The following JMJD1C variants were observed in gnomAD, a reference collection of about 807,000 sequenced individuals.
JMJD1C encodes jumonji domain containing 1C, also known as jumonji domain-containing protein 1C.
In JMJD1C, 31 loss-of-function variants were observed where a neutral mutation model predicts 245.3. The ratio of observed to expected loss-of-function variants is 0.13; its 90% CI spans 0.09 to 0.17. JMJD1C has a LOEUF of 0.17. JMJD1C is among the 10% of genes least tolerant of loss of function. The probability of loss-of-function intolerance (pLI) is 1.00; values close to 1 mark genes in which losing one functional copy is unlikely to be tolerated. For synonymous variants in JMJD1C, 1,057 were observed against 1,017.4 expected (o/e 1.04, Z -0.74); for missense variants, 2,691 against 3,000.2 (o/e 0.90, Z 2.41).
At chr10:63,190,719 G>A (rs1844698189) in intron 17 of JMJD1C, among the ~76,000 whole-genome samples, 175 bp downstream of exon 17, 1 of 152,094 alleles carries the variant, frequency 6.6e-6, no homozygotes, top group Non-Finnish European at 1.5e-5. Flanking sequence ...TGGAAAAAAA[G>A]ACAGAAAATG....
intron 2 of JMJD1C, among the ~76,000 whole-genome samples, chr10:63,362,289 A>G (rs1417295203): frequency 6.6e-6 from 1 of 151,882 alleles, no homozygotes; most frequent in African/African-American, 2.4e-5. Flanking sequence ...AATAAAATCA[A>G]GAAATTCCTT....
intron 8 of JMJD1C, among the ~76,000 whole-genome samples, chr10:63,212,115 TA>T (rs538757160): frequency 5.5e-4 from 83 of 152,244 alleles, no homozygotes; most frequent in African/African-American, 2.0e-3. Flanking sequence ...AGAAAGTATC[TA>T]AAGTCATGAA....
chr10:63,520,876 C>A (rs1350313881), intron 1 of JMJD1C, among the ~76,000 whole-genome samples: 1 of 152,222 alleles, frequency 6.6e-6, no homozygotes, highest in Non-Finnish European at 1.5e-5. Context: ...TGTGCAAGAA[C>A]CTCTCGACGA....
chr10:63,279,128 T>C (rs1857132671), intron 2 of JMJD1C, among the ~76,000 whole-genome samples: 1 of 151,616 alleles, frequency 6.6e-6, no homozygotes, highest in South Asian at 2.1e-4. Context: ...CGGGCGCCTG[T>C]AATCCCAGCT....
intron 2 of JMJD1C, among the ~76,000 whole-genome samples, chr10:63,284,903 A>T (rs1857813578): frequency 1.2e-5 from 1 of 80,904 alleles, no homozygotes; most frequent in East Asian, 4.2e-4. Flanking sequence ...ACACACACAC[A>T]CACATTCTCT....
chr10:63,383,465 C>G (rs1168301895), intron 1 of JMJD1C, among the ~76,000 whole-genome samples: 1 of 152,080 alleles, frequency 6.6e-6, no homozygotes. Context: ...TTGGGAGACA[C>G]AGGTGGGAGG....
At chr10:63,335,431 A>G (rs1382162775) in intron 2 of JMJD1C, among the ~76,000 whole-genome samples, 2 of 152,246 alleles carry the variant, frequency 1.3e-5, no homozygotes, top group Non-Finnish European at 2.9e-5. Flanking sequence ...ATATTCAGTT[A>G]AAAAGAAAAT....
chr10:63,385,684 A>G (rs1264023204), intron 1 of JMJD1C, among the ~76,000 whole-genome samples: 1 of 151,928 alleles, frequency 6.6e-6, no homozygotes, highest in East Asian at 1.9e-4. Context: ...GGCCTCAAGC[A>G]ATCCTCTCAC....
intron 2 of JMJD1C, among the ~76,000 whole-genome samples, chr10:63,283,176 A>G (rs1233539393): frequency 2.0e-5 from 3 of 152,250 alleles, no homozygotes; most frequent in Non-Finnish European, 4.4e-5. Context: ...GGAAAATTTC[A>G]TAGACTCTTC....
chr10:63,413,048 C>T (rs1469106965), intron 1 of JMJD1C, among the ~76,000 whole-genome samples: 1 of 151,736 alleles, frequency 6.6e-6, no homozygotes, highest in African/African-American at 2.4e-5. Flanking sequence ...AAAACAATAC[C>T]ACAAAGTAGT....
intron 2 of JMJD1C, among the ~76,000 whole-genome samples, chr10:63,299,930 TATA>T (rs1243230561): frequency 6.6e-6 from 1 of 152,104 alleles, no homozygotes; most frequent in South Asian, 2.1e-4. Flanking sequence ...TTATGTCACT[TATA>T]ATGATGATGA....
At chr10:63,186,483 G>A (rs1199294458) in intron 18 of JMJD1C, 100 bp from the exon 19 acceptor site, 8 of 969,960 alleles carry the variant, frequency 8.2e-6, no homozygotes, top group East Asian at 2.8e-5. Flanking sequence ...CTCTTACCCA[G>A]GCTGGAGAGC....
intron 2 of JMJD1C, among the ~76,000 whole-genome samples, chr10:63,329,284 A>C (rs1418904457): frequency 6.6e-6 from 1 of 151,950 alleles, no homozygotes; most frequent in Admixed American, 6.6e-5. Flanking sequence ...TATTTCAAAA[A>C]AAAAAAAGAA....
chr10:63,450,921 GAAAAAAA>G (rs71025179), intron 1 of JMJD1C, among the ~76,000 whole-genome samples: 1 of 137,512 alleles, frequency 7.3e-6, no homozygotes, highest in Admixed American at 7.0e-5. Context: ...CACACACACA[GAAAAAAA>G]AAAAAAAACT....
chr10:63,174,311 C>T (rs553973237), intron 24 of JMJD1C, among the ~76,000 whole-genome samples: 14 of 151,710 alleles, frequency 9.2e-5, no homozygotes, highest in African/African-American at 2.7e-4. Flanking sequence ...GGTGAATGTA[C>T]GGATTTAAAA....
At chr10:63,465,378 G>A (rs1008497012) in intron 1 of JMJD1C, 117 bp downstream of exon 1, 74 of 1,084,208 alleles carry the variant, frequency 6.8e-5, no homozygotes, top group Non-Finnish European at 4.3e-5. Flanking sequence ...TTCAGCAGAG[G>A]GGCGTGACCG....
chr10:63,435,264 C>T (rs770887852), intron 1 of JMJD1C, among the ~76,000 whole-genome samples: 1 of 152,144 alleles, frequency 6.6e-6, no homozygotes, highest in Non-Finnish European at 1.5e-5. Context: ...GGTTCACTTT[C>T]ACTCCACAAA....
chr10:63,228,527 A>C (rs1564645448), intron 3 of JMJD1C, among the ~76,000 whole-genome samples: 1 of 152,192 alleles, frequency 6.6e-6, no homozygotes, highest in Non-Finnish European at 1.5e-5. Context: ...TCTCTAAAAA[A>C]ATTAAAAAGG....
chr10:63,232,852 C>T (rs780412335), intron 3 of JMJD1C, among the ~76,000 whole-genome samples: 1 of 152,086 alleles, frequency 6.6e-6, no homozygotes, highest in Non-Finnish European at 1.5e-5. Flanking sequence ...ATTCCTGTGT[C>T]ATTTTCATTA....
Sources: allele counts gnomAD v4.1 joint callset (sites outside exome capture counted in the v4.1 genomes callset), GRCh38; gene constraint gnomAD v4.1.1; transcripts MANE v1.5; gene names NCBI Gene and HGNC (gene_info 2026-07-23, HGNC 2026-07-21).